UTRN: variants seen among roughly 807,000 people sequenced by gnomAD.
The protein encoded by UTRN is dystrophin-related protein 1.
UTRN carries 283 observed loss-of-function variants against 463.9 expected under a neutral mutation model. The observed-to-expected ratio is 0.61, with a 90% CI of 0.55 to 0.67. The LOEUF (loss-of-function observed/expected upper bound fraction) is 0.67. Ranked by LOEUF, UTRN falls within the 30% of genes least tolerant of loss-of-function variation. UTRN has a pLI of 0.00. For synonymous variants in UTRN, 1,442 were observed against 1,431.5 expected, an observed-to-expected ratio of 1.01 and a Z score of -0.17; for missense variants, 3,922 against 4,084.3, an observed-to-expected ratio of 0.96 and a Z score of 1.08.
chr6:144,554,579 C>T, intron 48 of UTRN, 109 bp from the exon 49 acceptor site: 3 of 1,153,328 alleles, frequency 2.6e-6, no homozygotes, highest in African/African-American at 1.6e-5. Flanking sequence ...ATCAGCTTGC[C>T]TTCTTCTGTT....
intron 53 of UTRN, among the ~76,000 whole-genome samples, chr6:144,708,894 G>C (rs533412370): frequency 6.6e-6 from 1 of 152,270 alleles, no homozygotes; most frequent in South Asian, 2.1e-4. Context: ...TCTTCCTGCT[G>C]TGTCATCCAA....
rs7774409 is a variant in UTRN at position 144,796,478 on chromosome 6, C to T, written c.9079-1346C>T. Among the ~76,000 whole-genome samples, 891 of 152,124 alleles carry T rather than the reference C, an allele frequency of 5.9e-3. 6 individuals are homozygous for T. The highest frequency in any genetic ancestry group is 0.019 in the African/African-American group (770 of 41,504). On this transcript the variant is annotated intron_variant, in intron 63 of 74. Transcript: ENST00000367545. The stretch of plus-strand genomic sequence containing the variant: ...GAACTGAATTAAAATGTCCTGAGTT[C>T]TTTTTAAGACAAGATTTTTAAAATA...
At chr6:144,630,173 G>A (rs1300185424) in intron 51 of UTRN, among the ~76,000 whole-genome samples, 1 of 152,146 alleles carries the variant, frequency 6.6e-6, no homozygotes, top group Admixed American at 6.5e-5. Flanking sequence ...GGGTGACAGA[G>A]CGAGACTCCA....
chr6:144,522,391 T>C (rs1231835786), intron 40 of UTRN, among the ~76,000 whole-genome samples: 1 of 152,218 alleles, frequency 6.6e-6, no homozygotes, highest in Non-Finnish European at 1.5e-5. Flanking sequence ...TGCACAGTTA[T>C]AAATTATTTG....
intron 51 of UTRN, among the ~76,000 whole-genome samples, chr6:144,651,043 TGAA>T (rs1439741321): frequency 1.3e-5 from 2 of 151,964 alleles, no homozygotes; most frequent in African/African-American, 4.8e-5. Flanking sequence ...TGGTAAAAAA[TGAA>T]GAAATATTTT....
intron 51 of UTRN, among the ~76,000 whole-genome samples, chr6:144,640,676 A>C (rs948220585): frequency 2.0e-5 from 3 of 152,168 alleles, no homozygotes; most frequent in African/African-American, 2.4e-5. Flanking sequence ...TGCTTGTTTT[A>C]ACAACTGTTA....
At chr6:144,470,295 C>T (rs1340933914) in intron 23 of UTRN, among the ~76,000 whole-genome samples, 3 of 152,066 alleles carry the variant, frequency 2.0e-5, no homozygotes, top group African/African-American at 4.8e-5. Context: ...AGGCGCCCCC[C>T]ACCTCCCAGA....
chr6:144,812,874 A>G (rs867152096), intron 65 of UTRN, among the ~76,000 whole-genome samples: 3 of 151,762 alleles, frequency 2.0e-5, no homozygotes, highest in Non-Finnish European at 4.4e-5. Context: ...TAAAAAATTG[A>G]TTAATTCTTA....
In UTRN at chr6:144,637,446, A is replaced by G. The variant is rs181530133; in HGVS notation, c.7480-40960A>G. Among the ~76,000 whole-genome samples, 219 of 151,772 alleles carry G rather than the reference A, an allele frequency of 1.4e-3. 1 individual carries two copies. Among genetic ancestry groups the G allele is most frequent in the African/African-American group, 5.0e-3 (206 of 41,488 alleles). Reference sequence around the variant, plus strand: ...TAAACTATATATAAATCTAATATAGATTTTTACACTATGAAATAATGCACG... The same window carrying G: ...TAAACTATATATAAATCTAATATAGGTTTTTACACTATGAAATAATGCACG... On this transcript the variant is annotated intron_variant, in intron 51 of 74. Coordinates refer to ENST00000367545, the MANE Select transcript of UTRN (RefSeq NM_007124.3).
Position 144,424,023 on chromosome 6 carries a change from A to T in UTRN, c.350A>T (p.Asp117Val). The change falls in exon 6 of 75, where the codon GAT (aspartate) becomes GTT (valine). Residue 117 changes from aspartate to valine, a missense_variant. By Grantham distance (152) the Asp-to-Val change is radical. Around this residue, in one of 3 missense-constraint regions of UTRN, gnomAD observed 264 missense variants for 327.9 expected, o/e 0.81. Coordinates refer to ENST00000367545, the MANE Select transcript of UTRN (RefSeq NM_007124.3). ...LVNIGGTDIV[D>V]GNHKLTLGLL... ...AATATAGGGGGAACTGACATTGTGG[A>T]TGGAAATCACAAACTGACTTTGGGG... 6.2e-7 allele frequency: 1 copy of T among 1,614,202 alleles called. No homozygotes were observed. The highest frequency in any genetic ancestry group is 1.1e-5 in the South Asian group (1 of 91,080).
rs1047808613 is a variant in UTRN, at chr6:144,462,699, C to T, written c.2899C>T (p.Leu967Phe). ...GAATCAGAAACCTGCATTACATAAA[C>T]TTGCAGAAGAAACAAAGGCTCTGGA... ...LENQKPALHKLAEETKALEKN... is the reference protein window; with the variant it reads ...LENQKPALHKFAEETKALEKN... Residue 967 changes from leucine to phenylalanine, a missense_variant, in exon 23 of 75, where the codon CTT becomes TTT. Leu to Phe is a conservative substitution (Grantham distance 22). Around this residue, in one of 3 missense-constraint regions of UTRN, gnomAD observed 2,349 missense variants for 2,303.8 expected, o/e 1.02. Transcript: ENST00000367545. 2 of 1,607,544 alleles carry T rather than the reference C, an allele frequency of 1.2e-6. No individual in the cohort carries two copies. Among genetic ancestry groups the T allele is most frequent in the East Asian group, 2.2e-5 (1 of 44,792 alleles).
chr6:144,554,680 A>G lies in UTRN; in HGVS notation c.6929-8A>G. On this transcript the variant is annotated splice_region_variant and splice_polypyrimidine_tract_variant and intron_variant, in intron 48 of 74. Transcript: ENST00000367545. ...GGATTTTTTTTTCTTTTATAATGCT[A>G]CCCTCAGTGGAAAGGGTCAAGAACC... The G allele has an allele frequency of 6.2e-7, 1 of 1,613,234 alleles. No individual in the cohort carries two copies. The highest frequency in any genetic ancestry group is 8.5e-7 in the Non-Finnish European group (1 of 1,179,808).
chr6:144,503,703 T>C lies in UTRN; in HGVS notation c.4764+4276T>C, dbSNP rs185178109. On this transcript the variant is annotated intron_variant, in intron 34 of 74. Transcript: ENST00000367545. ...TGGATGCCTCCAGCTTTGTTCTTTT[T>C]GCTTAGGATTTTCTTGGCTATATGG... 3.8e-3 allele frequency among the ~76,000 whole-genome samples: 579 copies of C among 152,292 alleles called. 1 individual carries two copies. Among genetic ancestry groups the C allele is most frequent in the African/African-American group, 0.013 (550 of 41,570 alleles).
At chr6:144,516,082 A>T (rs755230258) in intron 37 of UTRN, 147 bp from the exon 38 acceptor site, 44 of 775,818 alleles carry the variant, frequency 5.7e-5, no homozygotes, top group African/African-American at 5.5e-4. Flanking sequence ...TCATTGCCAT[A>T]TAAATGAATG....
At chr6:144,709,368 A>G (rs1785428559) in intron 53 of UTRN, among the ~76,000 whole-genome samples, 1 of 152,044 alleles carries the variant, frequency 6.6e-6, no homozygotes, top group South Asian at 2.1e-4. Context: ...TTCTGTTAGT[A>G]TTTTTTCTGA....
intron 54 of UTRN, among the ~76,000 whole-genome samples, chr6:144,731,072 C>T (rs1294924303): frequency 6.7e-6 from 1 of 150,100 alleles, no homozygotes; most frequent in Non-Finnish European, 1.5e-5. Context: ...TAAATAATTG[C>T]AAGTAGAAGA....
chr6:144,650,177 C>T (rs2128666380), intron 51 of UTRN, among the ~76,000 whole-genome samples: 1 of 152,250 alleles, frequency 6.6e-6, no homozygotes, highest in South Asian at 2.1e-4. Context: ...GACTTATTCA[C>T]TATCAGGAGA....
intron 54 of UTRN, among the ~76,000 whole-genome samples, chr6:144,745,364 G>A (rs114475049): frequency 0.021 from 3,095 of 150,686 alleles, 102 homozygotes; most frequent in African/African-American, 0.07. Context: ...TTCACATGTC[G>A]CTTCTTCTTA....
At chr6:144,287,728 A>G (rs912085503) in intron 1 of UTRN, among the ~76,000 whole-genome samples, 5 of 152,200 alleles carry the variant, frequency 3.3e-5, no homozygotes, top group African/African-American at 1.2e-4. Flanking sequence ...TTGGTGGTCC[A>G]TATGACAGCC....
Sources: allele counts gnomAD v4.1 joint callset (sites outside exome capture counted in the v4.1 genomes callset), GRCh38; gene constraint gnomAD v4.1.1; regional missense constraint gnomAD v4.1.1; transcripts MANE v1.5; gene names NCBI Gene and HGNC (gene_info 2026-07-23, HGNC 2026-07-21).